Variants in AGMO observed in about 807,000 individuals in gnomAD.
AGMO encodes the protein glyceryl-ether monooxygenase.
A neutral mutation model predicts 60.2 loss-of-function variants in AGMO; 75 were observed. The ratio of observed to expected loss-of-function variants is 1.25; its 90% confidence interval spans 1.03 to 1.51. The LOEUF is 1.51. Among genes scored for constraint, AGMO ranks in the 40% most tolerant of loss-of-function variants. The probability of loss-of-function intolerance (pLI) is 0.00; values close to 1 mark genes in which losing one functional copy is unlikely to be tolerated. For synonymous variants in AGMO, 261 were observed against 177.1 expected (o/e 1.47, Z -3.76); for missense variants, 763 against 525.5 (o/e 1.45, Z -4.42).
At chr7:15,472,140 T>C (rs1043369670) in intron 3 of AGMO, among the ~76,000 whole-genome samples, 1 of 151,900 alleles carries the variant, frequency 6.6e-6, no homozygotes, top group African/African-American at 2.4e-5. Flanking sequence ...TTAAGGACTA[T>C]GTGTAAATCA....
the AGMO span, among the ~76,000 whole-genome samples, chr7:15,166,694 A>G: frequency 6.6e-6 from 1 of 152,220 alleles, no homozygotes; most frequent in Non-Finnish European, 1.5e-5. Context: ...TGGGAGTCAA[A>G]GCAGTGAAGG....
intron 12 of AGMO, among the ~76,000 whole-genome samples, chr7:15,236,558 A>T: frequency 6.6e-6 from 1 of 152,138 alleles, no homozygotes; most frequent in East Asian, 1.9e-4. Context: ...CATAAGAAAT[A>T]TACAGAGACA....
At chr7:15,454,267 T>C (rs12533159) in intron 3 of AGMO, among the ~76,000 whole-genome samples, 64,455 of 151,764 alleles carry the variant, frequency 0.42, 14,297 homozygotes, top group Non-Finnish European at 0.51. Flanking sequence ...AACAATACTG[T>C]CTTGTATACT....
At chr7:15,449,528 T>C (rs1044229483) in intron 3 of AGMO, among the ~76,000 whole-genome samples, 1 of 152,208 alleles carries the variant, frequency 6.6e-6, no homozygotes, top group African/African-American at 2.4e-5. Flanking sequence ...TGTCTTACAA[T>C]TGCCTACATT....
At chr7:15,244,525 G>T (rs778106418) in intron 12 of AGMO, among the ~76,000 whole-genome samples, 1 of 152,114 alleles carries the variant, frequency 6.6e-6, no homozygotes, top group Non-Finnish European at 1.5e-5. Flanking sequence ...TGCAAAGAAC[G>T]CAAATCTTTA....
intron 3 of AGMO, among the ~76,000 whole-genome samples, chr7:15,488,983 G>A (rs530553325): frequency 8.7e-4 from 133 of 152,208 alleles, no homozygotes; most frequent in African/African-American, 2.8e-3. Flanking sequence ...GAAAAGTTAC[G>A]ATGTGACATA....
intron 10 of AGMO, among the ~76,000 whole-genome samples, chr7:15,374,661 G>T (rs753053342): frequency 2.0e-5 from 3 of 151,988 alleles, no homozygotes; most frequent in Non-Finnish European, 4.4e-5. Context: ...AAAGAACAGC[G>T]ATCTCAGGGA....
chr7:15,551,254 G>A (rs1317540686), intron 2 of AGMO, among the ~76,000 whole-genome samples: 1 of 152,068 alleles, frequency 6.6e-6, no homozygotes, highest in Non-Finnish European at 1.5e-5. Context: ...TTGAAAACTG[G>A]CATAAGATAG....
At chr7:15,552,577 T>C (rs1327503956) in intron 2 of AGMO, among the ~76,000 whole-genome samples, 4 of 148,646 alleles carry the variant, frequency 2.7e-5, no homozygotes, top group Admixed American at 6.7e-5. Flanking sequence ...AAAATGCTCA[T>C]CATCACTGGC....
intron 10 of AGMO, among the ~76,000 whole-genome samples, chr7:15,369,066 G>C (rs535141763): frequency 6.6e-6 from 1 of 152,092 alleles, no homozygotes; most frequent in Admixed American, 6.5e-5. Context: ...CCTGTGGCTG[G>C]TCCTTAACTT....
At chr7:15,299,863 AC>A (rs1563075523) in intron 12 of AGMO, among the ~76,000 whole-genome samples, 11 of 151,042 alleles carry the variant, frequency 7.3e-5, no homozygotes, top group East Asian at 3.9e-4. Context: ...ACACACACAC[AC>A]ACACACACAC....
chr7:15,319,471 T>C (rs958724011), intron 12 of AGMO, among the ~76,000 whole-genome samples: 4 of 152,066 alleles, frequency 2.6e-5, no homozygotes, highest in Non-Finnish European at 5.9e-5. Context: ...ATGAAATAAA[T>C]AAACAAAGCT....
intron 12 of AGMO, among the ~76,000 whole-genome samples, chr7:15,343,652 A>G (rs186002416): frequency 2.3e-4 from 35 of 152,130 alleles, no homozygotes; most frequent in Admixed American, 2.2e-3. Context: ...GCTTCATCTC[A>G]CCGCTGTTTT....
At chr7:15,286,144 G>T (rs547220980) in intron 12 of AGMO, among the ~76,000 whole-genome samples, 2 of 151,884 alleles carry the variant, frequency 1.3e-5, no homozygotes, top group African/African-American at 4.8e-5. Context: ...CTAGAAAAAA[G>T]CTCTTTTGGA....
At chr7:15,404,878 C>T (rs1014968776) in intron 5 of AGMO, among the ~76,000 whole-genome samples, 1 of 151,828 alleles carries the variant, frequency 6.6e-6, no homozygotes, top group Non-Finnish European at 1.5e-5. Flanking sequence ...AAATACGAAT[C>T]TACATTTTAG....
At chr7:15,438,492 T>C (rs1781460515) in intron 3 of AGMO, among the ~76,000 whole-genome samples, 1 of 152,224 alleles carries the variant, frequency 6.6e-6, no homozygotes, top group Non-Finnish European at 1.5e-5. Context: ...ACTTTTTTAT[T>C]CATTACAGAG....
chr7:15,390,700 T>A lies in AGMO; in HGVS notation c.793A>T (p.Ile265Phe). ...ACTTTGATTGGTTCAAATGTATTAA[T>A]GGGATGTGTTAAGCCATATACAACT... ...EKVVYGLTHP[I>F]NTFEPIKVQF... Residue 265 changes from isoleucine to phenylalanine, a missense_variant, in exon 8 of 13, where the codon ATT (isoleucine) becomes TTT (phenylalanine). Transcript: ENST00000342526. 6.2e-7 allele frequency: 1 copy of A among 1,610,012 alleles called. No homozygotes were observed. The highest frequency in any genetic ancestry group is 1.3e-5 in the African/African-American group (1 of 74,984).
intron 3 of AGMO, among the ~76,000 whole-genome samples, chr7:15,465,576 C>T (rs1276324672): frequency 6.8e-6 from 1 of 146,042 alleles, no homozygotes; most frequent in Non-Finnish European, 1.5e-5. Context: ...CACGTGCTAC[C>T]ACGTCCGGCT....
rs200555224 is a variant in AGMO at position 15,365,591 on chromosome 7, G to A, written c.1186C>T (p.Arg396Cys). Residue 396 changes from arginine (R) to cysteine (C), a missense_variant, in exon 12 of 13, where the codon CGT becomes TGT. By Grantham distance (180) the Arg-to-Cys change is radical (BLOSUM62 -3). Coordinates refer to ENST00000342526, the MANE Select transcript of AGMO (RefSeq NM_001004320.2). Reference protein sequence around the residue: ...RPKAAIMETLRCLMFLMLYRF... With the variant: ...RPKAAIMETLCCLMFLMLYRF... Reference sequence around the variant, plus strand: ...TACAGCATTAAGAACATCAAGCAACGGAGAGTTTCCATAATAGCTGCCTTG... The same window carrying A: ...TACAGCATTAAGAACATCAAGCAACAGAGAGTTTCCATAATAGCTGCCTTG... 453 of 1,612,412 alleles carry A rather than the reference G, an allele frequency of 2.8e-4. 1 individual carries two copies. The East Asian group carries it at 9.1e-3, about 33-fold the overall frequency.
Sources: allele counts gnomAD v4.1 joint callset (sites outside exome capture counted in the v4.1 genomes callset), GRCh38; gene constraint gnomAD v4.1.1; transcripts MANE v1.5; gene names NCBI Gene and HGNC (gene_info 2026-07-23, HGNC 2026-07-21).